WDR59: variants seen among roughly 807,000 people sequenced by gnomAD.
The protein encoded by WDR59 is GATOR2 complex protein WDR59.
A neutral mutation model predicts 131.2 loss-of-function variants in WDR59; 100 were observed. The observed-to-expected ratio is 0.76, with a 90% CI of 0.65 to 0.90. WDR59 has a LOEUF of 0.90. Among genes scored for constraint, WDR59 ranks in the 40% least tolerant of loss-of-function variants. The probability of loss-of-function intolerance (pLI) is 0.00; values close to 1 mark genes in which losing one functional copy is unlikely to be tolerated. For synonymous variants in WDR59, 601 were observed against 466.2 expected, an observed-to-expected ratio of 1.29 and a Z score of -3.72; for missense variants, 1,203 against 1,262.2, an observed-to-expected ratio of 0.95 and a Z score of 0.71.
intron 10 of WDR59, among the ~76,000 whole-genome samples, chr16:74,920,820 C>T (rs1310438934): frequency 6.6e-6 from 1 of 152,098 alleles, no homozygotes; most frequent in Non-Finnish European, 1.5e-5. Context: ...CAGAAACAGG[C>T]AAACCTAAAC....
In WDR59 at chr16:74,956,556, C is replaced by A; in HGVS notation, c.159G>T (p.Lys53Asn). ...TGTCCCATTTGCTCTGGCGAGAGAT[C>A]TTTCGGTGACCTTCGAAAGGGGCAT... ...NLDAPFEGHRKISRQSKWDIG... is the reference protein window; with the variant it reads ...NLDAPFEGHRNISRQSKWDIG... The change falls in exon 3 of 26, where the codon AAG (lysine) becomes AAT (asparagine). Residue 53 changes from lysine to asparagine, a missense_variant. Physicochemically the swap from Lys to Asn is moderately conservative, Grantham distance 94. Coordinates refer to ENST00000262144, the MANE Select transcript of WDR59 (RefSeq NM_030581.4). The A allele has an allele frequency of 6.2e-7, 1 of 1,614,104 alleles. No individual in the cohort carries two copies. Among genetic ancestry groups the A allele is most frequent in the South Asian group, 1.1e-5 (1 of 91,090 alleles).
chr16:74,908,657 G>T (rs1426423683), intron 17 of WDR59: 1 of 384,510 alleles, frequency 2.6e-6, no homozygotes, highest in Non-Finnish European at 4.6e-6. Context: ...CATTTAAAAA[G>T]AATTTGCCTT....
intron 17 of WDR59, among the ~76,000 whole-genome samples, chr16:74,908,109 C>T (rs1965907657): frequency 6.6e-6 from 1 of 152,128 alleles, no homozygotes; most frequent in Admixed American, 6.6e-5. Flanking sequence ...AAAAGAAGGG[C>T]TTTTGCGTTG....
Position 74,942,726 on chromosome 16 carries a change from G to C in WDR59, c.534+12C>G. Reference sequence around the variant, plus strand: ...TCAAAGACCAATAAGGGCGAAAAAAGAGATTACTCACCCTCTTATCCCATA... The same window carrying C: ...TCAAAGACCAATAAGGGCGAAAAAACAGATTACTCACCCTCTTATCCCATA... On this transcript the variant is annotated intron_variant, in intron 7 of 25. Coordinates refer to ENST00000262144, the MANE Select transcript of WDR59 (RefSeq NM_030581.4). 1 of 1,613,214 alleles carries C rather than the reference G, an allele frequency of 6.2e-7. No homozygotes were observed. Among genetic ancestry groups the C allele is most frequent in the Admixed American group, 1.7e-5 (1 of 59,978 alleles).
chr16:74,890,205 C>T (rs1013012668), intron 20 of WDR59, among the ~76,000 whole-genome samples: 2 of 152,176 alleles, frequency 1.3e-5, no homozygotes, highest in African/African-American at 4.8e-5. Context: ...GGCTGGAGTG[C>T]CGTGGCACAA....
At chr16:74,941,473 C>A (rs1425756635) in intron 7 of WDR59, among the ~76,000 whole-genome samples, 1 of 151,976 alleles carries the variant, frequency 6.6e-6, no homozygotes, top group African/African-American at 2.4e-5. Context: ...GTGGGCAGAT[C>A]ACTTGAGGTC....
intron 21 of WDR59, among the ~76,000 whole-genome samples, chr16:74,889,475 C>T (rs901895566): frequency 9.2e-5 from 14 of 152,154 alleles, no homozygotes; most frequent in African/African-American, 2.9e-4. Flanking sequence ...ATACATGAGT[C>T]TCAGGGGTCT....
At chr16:74,961,404 T>A (rs2033560928) in intron 2 of WDR59, among the ~76,000 whole-genome samples, 1 of 152,192 alleles carries the variant, frequency 6.6e-6, no homozygotes, top group East Asian at 1.9e-4. Context: ...CTAATTTACA[T>A]TCCCATCAAC....
chr16:74,981,658 A>ATTTTTTTTTT (rs2034430352), intron 1 of WDR59, among the ~76,000 whole-genome samples: 2 of 75,522 alleles, frequency 2.6e-5, no homozygotes, highest in African/African-American at 1.6e-4. Context: ...ATATATATAT[A>ATTTTTTTTTT]TATTTTTTTT....
At position 74,915,801 on chromosome 16, in the gene WDR59, G is replaced by T. The variant is rs1010038613; in HGVS notation, c.1224+69C>A. ...AAGCTATTTGCTAACTGAAATCATTGCTGAAATGGTTCCCTCTCCCACAAA... is the reference window on the plus strand; with the variant it reads ...AAGCTATTTGCTAACTGAAATCATTTCTGAAATGGTTCCCTCTCCCACAAA... On this transcript the variant is annotated intron_variant, in intron 13 of 25. Coordinates refer to ENST00000262144, the MANE Select transcript of WDR59 (RefSeq NM_030581.4). The T allele has an allele frequency of 3.1e-6, 5 of 1,598,274 alleles. 1 individual carries two copies. Among genetic ancestry groups the T allele is most frequent in the Non-Finnish European group, 4.3e-6 (5 of 1,166,946 alleles).
chr16:74,894,698 T>C (rs1245416747), intron 18 of WDR59, among the ~76,000 whole-genome samples: 5 of 152,196 alleles, frequency 3.3e-5, no homozygotes, highest in African/African-American at 9.7e-5. Flanking sequence ...CAATTTGGAA[T>C]TAGAAAATCA....
intron 23 of WDR59, among the ~76,000 whole-genome samples, chr16:74,886,950 G>A (rs534987805): frequency 1.3e-5 from 2 of 152,042 alleles, no homozygotes; most frequent in East Asian, 3.9e-4. Flanking sequence ...AATAAATAAA[G>A]CAAATGATGG....
In WDR59 at chr16:74,885,811, A is replaced by C. The variant is rs774853289; in HGVS notation, c.2547-16T>G. 6.2e-7 allele frequency: 1 copy of C among 1,608,386 alleles called. No homozygotes were observed. Among genetic ancestry groups the C allele is most frequent in the Non-Finnish European group, 8.5e-7 (1 of 1,178,628 alleles). ...GTCCAGGAGCCTGGATAAAGTTAAA[A>C]AGATTTCCTGTCAGTTCCTTTAAGA... is the stretch of plus-strand genomic sequence containing the variant. On this transcript the variant is annotated splice_polypyrimidine_tract_variant and intron_variant, in intron 24 of 25. Coordinates refer to ENST00000262144, the MANE Select transcript of WDR59 (RefSeq NM_030581.4).
chr16:74,916,363 G>T, intron 11 of WDR59, 104 bp from the exon 12 acceptor site: 1 of 1,437,256 alleles, frequency 7.0e-7, no homozygotes, highest in Non-Finnish European at 9.7e-7. Flanking sequence ...CAAAGGATGG[G>T]GATGTGTCAG....
rs746919435 is a variant in WDR59 at position 74,975,000 on chromosome 16, G to A, written c.55-9178C>T. Among the ~76,000 whole-genome samples, 118 of 152,232 alleles carry A rather than the reference G, an allele frequency of 7.8e-4. 2 individuals carry two copies. The highest frequency in any genetic ancestry group is 1.4e-3 in the Non-Finnish European group (98 of 68,018). ...ATATGACTGTGAAGCCTCCTTATAAGTCACTGAGCCTGGCATGGCCTGGGG... is the reference window on the plus strand; with the variant it reads ...ATATGACTGTGAAGCCTCCTTATAAATCACTGAGCCTGGCATGGCCTGGGG... On this transcript the variant is annotated intron_variant, in intron 1 of 25. Coordinates refer to ENST00000262144, the MANE Select transcript of WDR59 (RefSeq NM_030581.4).
chr16:74,981,645 TATATATATATA>T (rs1157023884), intron 1 of WDR59, among the ~76,000 whole-genome samples: 2,945 of 13,174 alleles, frequency 0.22, 312 homozygotes, highest in Middle Eastern at 0.5. Flanking sequence ...TATATATATA[TATATATATATA>T]TATATTTTTT....
At chr16:74,879,374 G>T (rs1285114352) in intron 25 of WDR59, among the ~76,000 whole-genome samples, 1 of 152,006 alleles carries the variant, frequency 6.6e-6, no homozygotes, top group East Asian at 1.9e-4. Context: ...AAACAAACAA[G>T]CCAAACAAAT....
rs57885889 is a variant in WDR59, at chr16:74,972,821, TAAAAAAAA to T, written c.55-7007_55-7000del. Among the ~76,000 whole-genome samples, 318 of 55,068 alleles carry T rather than the reference TAAAAAAAA, an allele frequency of 5.8e-3. 1 individual carries two copies. Among genetic ancestry groups the T allele is most frequent in the South Asian group, 0.031 (34 of 1,102 alleles). 36.1% of individuals were successfully genotyped at this position (55,068 alleles called of 152,430 possible). On this transcript the variant is annotated intron_variant, in intron 1 of 25. Transcript: ENST00000262144. ...TGGGTGACAGAGCAGGACTCTGTCT[TAAAAAAAA>T]AAAAAAAAAAAAAAAAAAAAGAGGT...
chr16:74,897,651 G>C (rs905462047), intron 18 of WDR59, among the ~76,000 whole-genome samples: 4 of 152,152 alleles, frequency 2.6e-5, no homozygotes, highest in African/African-American at 4.8e-5. Context: ...TGCCATAAGG[G>C]AGGTTCCCCA....
Sources: allele counts gnomAD v4.1 joint callset (sites outside exome capture counted in the v4.1 genomes callset), GRCh38; gene constraint gnomAD v4.1.1; transcripts MANE v1.5; gene names NCBI Gene and HGNC (gene_info 2026-07-23, HGNC 2026-07-21).